TANC2: variants seen among roughly 807,000 people sequenced by gnomAD.
TANC2 encodes protein TANC2.
TANC2 carries 26 observed loss-of-function variants against 210.5 expected under a neutral mutation model. That is an observed-to-expected ratio of 0.12 (90% confidence interval 0.09 to 0.17). The LOEUF (loss-of-function observed/expected upper bound fraction) is 0.17, where lower values mean the gene tolerates loss of function less well. Among genes scored for constraint, TANC2 ranks in the 10% least tolerant of loss-of-function variants. The pLI, the probability that TANC2 is intolerant of heterozygous loss-of-function variation, is 1.00. For synonymous variants in TANC2, 931 were observed against 967.1 expected (o/e 0.96, Z 0.69); for missense variants, 2,129 against 2,608.9 (o/e 0.82, Z 4.01).
At chr17:63,050,142 A>G (rs1442652981) in intron 2 of TANC2, among the ~76,000 whole-genome samples, 1 of 152,114 alleles carries the variant, frequency 6.6e-6, no homozygotes. Context: ...ACTTCAGCCC[A>G]GGAGTTTGAG....
intron 5 of TANC2, among the ~76,000 whole-genome samples, chr17:63,176,167 T>C (rs1489133732): frequency 2.0e-5 from 3 of 152,222 alleles, no homozygotes; most frequent in Admixed American, 6.6e-5. Context: ...TTATAAACTT[T>C]ATAACTCAGC....
intron 5 of TANC2, chr17:63,155,034 A>G (rs2039786842): frequency 6.6e-6 from 1 of 152,106 alleles, no homozygotes; most frequent in Non-Finnish European, 1.5e-5. Context: ...GTTGTGAGAT[A>G]ATATTAGTTA....
At chr17:63,392,116 TC>T (rs2047999370) in intron 17 of TANC2, among the ~76,000 whole-genome samples, 1 of 152,204 alleles carries the variant, frequency 6.6e-6, no homozygotes, top group African/African-American at 2.4e-5. Flanking sequence ...CCTCTGGTCT[TC>T]CTTCCGTCCT....
intron 8 of TANC2, among the ~76,000 whole-genome samples, chr17:63,259,164 G>C (rs1360095838): frequency 6.6e-6 from 1 of 152,224 alleles, no homozygotes; most frequent in African/African-American, 2.4e-5. Context: ...CTCTTCCTGC[G>C]GCCCTATTCT....
intron 4 of TANC2, among the ~76,000 whole-genome samples, chr17:63,140,329 A>G (rs2039242915): frequency 6.6e-6 from 1 of 152,214 alleles, no homozygotes; most frequent in Admixed American, 6.5e-5. Context: ...GCCATAACAA[A>G]CCATCTTTAA....
At chr17:63,422,074 G>A in exon 28 of TANC2, 1 of 1,313,584 alleles carries the variant, frequency 7.6e-7, no homozygotes, top group Non-Finnish European at 1.0e-6. Flanking sequence ...GGTGTTCAGA[G>A]GTGGCAGCCC....
intron 12 of TANC2, among the ~76,000 whole-genome samples, chr17:63,348,667 T>C (rs889135820): frequency 1.3e-5 from 2 of 152,246 alleles, no homozygotes; most frequent in Non-Finnish European, 2.9e-5. Flanking sequence ...ATGGTAATTA[T>C]ATTTTACATG....
chr17:63,191,768 CTTGT>C (rs2041194461), intron 5 of TANC2, among the ~76,000 whole-genome samples: 1 of 152,064 alleles, frequency 6.6e-6, no homozygotes, highest in Non-Finnish European at 1.5e-5. Context: ...TGGCCCCACC[CTTGT>C]TTGTTTTCAG....
At chr17:63,385,784 G>A (rs756449416) in intron 15 of TANC2, among the ~76,000 whole-genome samples, 1 of 152,186 alleles carries the variant, frequency 6.6e-6, no homozygotes, top group Non-Finnish European at 1.5e-5. Context: ...GTAGAAATTA[G>A]GTAGCCATTT....
At chr17:63,038,102 A>G (rs1433172973) in intron 2 of TANC2, among the ~76,000 whole-genome samples, 2 of 152,038 alleles carry the variant, frequency 1.3e-5, no homozygotes, top group African/African-American at 4.8e-5. Flanking sequence ...TTGTTTCCTG[A>G]GCGTTGGCTG....
chr17:63,015,334 A>G (rs149571426), intron 2 of TANC2, among the ~76,000 whole-genome samples: 3,078 of 151,746 alleles, frequency 0.02, 41 homozygotes, highest in South Asian at 0.036. Context: ...TTTATTTTTT[A>G]TTCTTTAAGT....
chr17:63,167,022 A>C (rs2040233272), intron 5 of TANC2, among the ~76,000 whole-genome samples: 1 of 152,166 alleles, frequency 6.6e-6, no homozygotes, highest in Admixed American at 6.5e-5. Flanking sequence ...AAGAATTATG[A>C]ATGGAGAAAG....
intron 2 of TANC2, among the ~76,000 whole-genome samples, chr17:63,053,458 G>T (rs369718853): frequency 1.3e-5 from 2 of 152,038 alleles, no homozygotes; most frequent in African/African-American, 4.8e-5. Flanking sequence ...TACTCTCCTT[G>T]TCTTGTTCCT....
chr17:63,364,916 T>C (rs2047066247), intron 14 of TANC2, among the ~76,000 whole-genome samples: 1 of 152,196 alleles, frequency 6.6e-6, no homozygotes, highest in African/African-American at 2.4e-5. Flanking sequence ...TTAAGGTGGA[T>C]ATGTTCGGTA....
At chr17:63,132,564 T>A (rs2038955378) in intron 4 of TANC2, among the ~76,000 whole-genome samples, 1 of 152,170 alleles carries the variant, frequency 6.6e-6, no homozygotes, top group Non-Finnish European at 1.5e-5. Context: ...TTTTCATGGT[T>A]TACTTTCCAC....
At chr17:63,276,320 A>G (rs933995607) in intron 9 of TANC2, among the ~76,000 whole-genome samples, 2 of 152,052 alleles carry the variant, frequency 1.3e-5, no homozygotes, top group Non-Finnish European at 2.9e-5. Context: ...AAAAGCCAAC[A>G]CTCTAAGAGC....
intron 21 of TANC2, among the ~76,000 whole-genome samples, chr17:63,409,294 C>T (rs998806730): frequency 1.3e-5 from 2 of 152,098 alleles, no homozygotes; most frequent in African/African-American, 4.8e-5. Flanking sequence ...ATCTCATCCT[C>T]CCATCTCAGC....
intron 1 of TANC2, among the ~76,000 whole-genome samples, chr17:62,995,604 A>G (rs936771582): frequency 1.3e-5 from 2 of 152,210 alleles, no homozygotes; most frequent in African/African-American, 4.8e-5. Flanking sequence ...TAAGTATTGC[A>G]AAAATGAGGA....
chr17:63,242,232 T>G (rs532776758), intron 8 of TANC2, among the ~76,000 whole-genome samples: 53 of 152,258 alleles, frequency 3.5e-4, no homozygotes, highest in African/African-American at 1.3e-3. Flanking sequence ...CTAAGACTCC[T>G]GTACTCCTAT....
Sources: allele counts gnomAD v4.1 joint callset (sites outside exome capture counted in the v4.1 genomes callset), GRCh38; gene constraint gnomAD v4.1.1; transcripts MANE v1.5; gene names NCBI Gene and HGNC (gene_info 2026-07-23, HGNC 2026-07-21).